The following ALKAL1 variants were observed in gnomAD, a reference collection of about 807,000 sequenced individuals.
ALKAL1 encodes AUG-beta.
In ALKAL1, 23 loss-of-function variants were observed where a neutral mutation model predicts 13.5. The observed-to-expected ratio is 1.70, with a 90% CI of 1.23 to 2.41. The LOEUF (loss-of-function observed/expected upper bound fraction) is 2.41. ALKAL1 is among the 30% of genes most tolerant of loss of function. The pLI, the probability that ALKAL1 is intolerant of heterozygous loss-of-function variation, is 0.00. For synonymous variants in ALKAL1, 85 were observed against 77.7 expected, an observed-to-expected ratio of 1.09 and a Z score of -0.49; for missense variants, 181 against 178.4, an observed-to-expected ratio of 1.01 and a Z score of -0.08.
In ALKAL1 at chr8:52,562,168, A is replaced by T. The variant is rs7832793; in HGVS notation, c.190+2899T>A. 2.2e-3 allele frequency among the ~76,000 whole-genome samples: 328 copies of T among 152,264 alleles called. 7 individuals are homozygous for T. The highest frequency in any genetic ancestry group is 7.7e-3 in the African/African-American group (319 of 41,542). On this transcript the variant is annotated intron_variant, in intron 1 of 4. Coordinates refer to ENST00000358543, the MANE Select transcript of ALKAL1 (RefSeq NM_207413.4). ...GAGGAAAGAGGAATGAGAGAGCAGGAGCGAAGGTTACTGGGAATTCTTATC... is the reference window on the plus strand; with the variant it reads ...GAGGAAAGAGGAATGAGAGAGCAGGTGCGAAGGTTACTGGGAATTCTTATC...
chr8:52,534,549 C>T lies in ALKAL1; in HGVS notation c.*64G>A, dbSNP rs1206054171. 3 of 593,118 alleles carry T rather than the reference C, an allele frequency of 5.1e-6. No individual in the cohort carries two copies. The highest frequency in any genetic ancestry group is 8.9e-6 in the Non-Finnish European group (3 of 337,034). 36.7% of individuals were successfully genotyped at this position (593,118 alleles called of 1,614,324 possible). On this transcript the variant is annotated 3_prime_UTR_variant, in exon 5 of 5. Transcript: ENST00000358543. ...AAATTTCATCTTTTTTTACATTTTGCATGATTTGAGGCACTTTTTCTTCAA... is the reference window on the plus strand; with the variant it reads ...AAATTTCATCTTTTTTTACATTTTGTATGATTTGAGGCACTTTTTCTTCAA...
Position 52,565,063 on chromosome 8 carries a change from G to A in ALKAL1, c.190+4C>T, listed in dbSNP as rs769887454. 5 of 1,390,070 alleles carry A rather than the reference G, an allele frequency of 3.6e-6. No individual in the cohort carries two copies. In the East Asian group the frequency reaches 1.2e-4, roughly 34 times the overall value. 86.1% of individuals were successfully genotyped at this position (1,390,070 alleles called of 1,614,324 possible). ...AAGGATGGGGCGGGATGGGGACATC[G>A]TACCTGCGCTCCGGGAGCCGCTGGG... On this transcript the variant is annotated splice_donor_region_variant and intron_variant, in intron 1 of 4. Coordinates refer to ENST00000358543, the MANE Select transcript of ALKAL1 (RefSeq NM_207413.4).
intron 1 of ALKAL1, among the ~76,000 whole-genome samples, chr8:52,557,667 T>G (rs1282371265): frequency 6.6e-6 from 1 of 152,068 alleles, no homozygotes; most frequent in Non-Finnish European, 1.5e-5. Flanking sequence ...GAATAGTAAT[T>G]ATGGATTCTG....
At chr8:52,561,113 A>T (rs2150348347) in intron 1 of ALKAL1, among the ~76,000 whole-genome samples, 1 of 152,282 alleles carries the variant, frequency 6.6e-6, no homozygotes. Context: ...CTCCCAGGTG[A>T]TATGCAAAGC....
At chr8:52,556,603 C>T (rs376900326) in intron 1 of ALKAL1, among the ~76,000 whole-genome samples, 32 of 141,860 alleles carry the variant, frequency 2.3e-4, no homozygotes, top group African/African-American at 7.6e-4. Context: ...GTCGAGATCG[C>T]GCCACTGCAC....
At chr8:52,546,087 A>C (rs573964829) in intron 1 of ALKAL1, among the ~76,000 whole-genome samples, 1 of 152,390 alleles carries the variant, frequency 6.6e-6, no homozygotes, top group African/African-American at 2.4e-5. Context: ...TAGTAAAAAT[A>C]CAGTATTATA....
intron 1 of ALKAL1, among the ~76,000 whole-genome samples, chr8:52,554,161 T>C (rs1212279508): frequency 6.6e-6 from 1 of 151,962 alleles, no homozygotes; most frequent in Admixed American, 6.5e-5. Flanking sequence ...GAGGTGGAGG[T>C]TGCAGTGAAC....
At chr8:52,556,263 T>G (rs552370979) in intron 1 of ALKAL1, among the ~76,000 whole-genome samples, 104 of 152,304 alleles carry the variant, frequency 6.8e-4, no homozygotes, top group African/African-American at 2.5e-3. Context: ...TTTACCAAAG[T>G]AATGTAAAAT....
At chr8:52,549,487 C>T (rs1474599479) in intron 1 of ALKAL1, among the ~76,000 whole-genome samples, 1 of 151,032 alleles carries the variant, frequency 6.6e-6, no homozygotes, top group Non-Finnish European at 1.5e-5. Flanking sequence ...ACTTCAACCT[C>T]TGCCTTCATC....
chr8:52,539,733 T>C, intron 3 of ALKAL1, 98 bp downstream of exon 3: 1 of 845,766 alleles, frequency 1.2e-6, no homozygotes, highest in Non-Finnish European at 1.9e-6. Context: ...TCTCAATGTT[T>C]AGTCTACTAC....
intron 3 of ALKAL1, among the ~76,000 whole-genome samples, 198 bp from the exon 4 acceptor site, chr8:52,538,705 G>C (rs536768670): frequency 5.9e-4 from 89 of 152,110 alleles, no homozygotes; most frequent in Middle Eastern, 3.4e-3. Context: ...CTTCACTTTA[G>C]AGATGAGACA....
rs139999205 is a variant in ALKAL1, at chr8:52,539,985, G to A, written c.245-74C>T. The stretch of plus-strand genomic sequence containing the variant: ...AAACAAATTTCCTAGCACTTTATGG[G>A]TGGATATAATACAACAGCACTTTAC... On this transcript the variant is annotated intron_variant, in intron 2 of 4. Transcript: ENST00000358543. 6.3e-5 allele frequency: 82 copies of A among 1,311,566 alleles called. No homozygotes were observed. The East Asian group carries it at 1.8e-3, about 29-fold the overall frequency. 81.2% of individuals were successfully genotyped at this position (1,311,566 alleles called of 1,614,324 possible). A position where few individuals can be genotyped will look rare whatever the true frequency, so the allele number is the denominator to read the frequency against.
At chr8:52,542,251 T>A in intron 2 of ALKAL1, 141 bp downstream of exon 2, 1 of 588,414 alleles carries the variant, frequency 1.7e-6, no homozygotes, top group South Asian at 2.4e-5. Context: ...TTAACACAAG[T>A]TAGTAGCATC....
At chr8:52,549,491 C>A (rs1847408370) in intron 1 of ALKAL1, among the ~76,000 whole-genome samples, 1 of 151,016 alleles carries the variant, frequency 6.6e-6, no homozygotes, top group African/African-American at 2.4e-5. Flanking sequence ...CAACCTCTGC[C>A]TTCATCGTAA....
intron 1 of ALKAL1, among the ~76,000 whole-genome samples, chr8:52,556,383 C>T (rs568012039): frequency 6.6e-6 from 1 of 152,024 alleles, no homozygotes; most frequent in Non-Finnish European, 1.5e-5. Flanking sequence ...CGCGGTGGCT[C>T]ACGCCTGTAA....
At chr8:52,536,819 A>G (rs1341953756) in intron 4 of ALKAL1, among the ~76,000 whole-genome samples, 1 of 152,190 alleles carries the variant, frequency 6.6e-6, no homozygotes, top group Non-Finnish European at 1.5e-5. Flanking sequence ...TTTGGAAATC[A>G]CTCAGGGCTG....
At chr8:52,556,463 C>T (rs1043703793) in intron 1 of ALKAL1, among the ~76,000 whole-genome samples, 6 of 151,346 alleles carry the variant, frequency 4.0e-5, no homozygotes, top group East Asian at 2.0e-4. Context: ...CTGGCTAACA[C>T]GGTGAAACCC....
intron 1 of ALKAL1, among the ~76,000 whole-genome samples, chr8:52,562,912 C>G (rs767761090): frequency 1.8e-4 from 28 of 152,194 alleles, no homozygotes; most frequent in Non-Finnish European, 2.9e-4. Context: ...CCTCTATATT[C>G]TCATGTCCCT....
intron 4 of ALKAL1, among the ~76,000 whole-genome samples, chr8:52,535,156 C>T (rs1468878605): frequency 2.0e-5 from 3 of 149,722 alleles, no homozygotes; most frequent in African/African-American, 7.5e-5. Context: ...TACTCATTTA[C>T]ATGGAATATA....
Sources: gnomAD v4.1 joint callset for allele counts (sites outside exome capture counted in the v4.1 genomes callset) on GRCh38, gnomAD v4.1.1 for gene constraint, MANE v1.5 for transcripts, NCBI Gene and HGNC (gene_info 2026-07-23, HGNC 2026-07-21) for gene names.